CRTC1: variants seen among roughly 807,000 people sequenced by gnomAD.
The protein encoded by CRTC1 is CREB regulated transcription coactivator 1, also known as CREB-regulated transcription coactivator 1.
Under a neutral mutation model 66.1 loss-of-function variants are expected in CRTC1, and 18 were observed. That is an observed-to-expected ratio of 0.27 (90% CI 0.19 to 0.40). The LOEUF (loss-of-function observed/expected upper bound fraction) is 0.40, where lower values mean the gene tolerates loss of function less well. CRTC1 is among the 10% of genes least tolerant of loss of function. The pLI is 1.00. For synonymous variants in CRTC1, 416 were observed against 398.8 expected (o/e 1.04, Z -0.51); for missense variants, 669 against 887.9 (o/e 0.75, Z 3.13).
intron 1 of CRTC1, among the ~76,000 whole-genome samples, chr19:18,695,907 G>A (rs2052975817): frequency 6.6e-6 from 1 of 152,132 alleles, no homozygotes; most frequent in South Asian, 2.1e-4. Context: ...CAGTACACAG[G>A]ATGGCCCCCA....
chr19:18,733,130 G>A (rs1181962685), intron 1 of CRTC1, among the ~76,000 whole-genome samples: 1 of 151,962 alleles, frequency 6.6e-6, no homozygotes, highest in Non-Finnish European at 1.5e-5. Flanking sequence ...CTCCCGGCTG[G>A]GGAAAGAGCC....
Position 18,760,312 on chromosome 19 carries a change from C to G in CRTC1, c.886+84C>G. The stretch of plus-strand genomic sequence containing the variant: ...ATCTGCAGGATGACTTGGCAGAGTC[C>G]CGTTCCAAATACTAGGGCATGGGGG... On this transcript the variant is annotated intron_variant, in intron 8 of 13. Transcript: ENST00000321949. This position sits in a 1 kb window ranked among gnomAD's most constrained non-coding sequence, Gnocchi z 6.2. 8.3e-7 allele frequency: 1 copy of G among 1,204,074 alleles called. No homozygotes were observed. Among genetic ancestry groups the G allele is most frequent in the Non-Finnish European group, 1.2e-6 (1 of 853,580 alleles). 74.6% of individuals were successfully genotyped at this position (1,204,074 alleles called of 1,614,324 possible). A position where few individuals can be genotyped will look rare whatever the true frequency, so the allele number is the denominator to read the frequency against.
chr19:18,728,618 G>A (rs900383010), intron 1 of CRTC1, among the ~76,000 whole-genome samples: 2 of 151,300 alleles, frequency 1.3e-5, no homozygotes, highest in African/African-American at 4.9e-5. Flanking sequence ...TGACTCTCCC[G>A]CCTCAGCCTC....
intron 1 of CRTC1, among the ~76,000 whole-genome samples, chr19:18,737,868 C>A (rs1320908246): frequency 6.6e-6 from 1 of 152,146 alleles, no homozygotes; most frequent in Non-Finnish European, 1.5e-5. Context: ...TTTTCTCTTC[C>A]TTAATGATTT....
In CRTC1 at chr19:18,760,546, C is replaced by T. The variant is rs1220822789; in HGVS notation, c.886+318C>T. On this transcript the variant is annotated intron_variant, in intron 8 of 13. Coordinates refer to ENST00000321949, the MANE Select transcript of CRTC1 (RefSeq NM_015321.3). The surrounding 1 kb of genome is among the most constrained non-coding windows in gnomAD (Gnocchi z 6.2). The stretch of plus-strand genomic sequence containing the variant: ...AGCTGGGGTGGGCCAGGCCTTCCCT[C>T]CGCCCCTCCTCGACCCCAGCCCCTC... Among the ~76,000 whole-genome samples, 2 of 152,006 alleles carry T rather than the reference C, an allele frequency of 1.3e-5. No individual in the cohort carries two copies. The highest frequency in any genetic ancestry group is 4.8e-5 in the African/African-American group (2 of 41,374).
Position 18,690,373 on chromosome 19 carries a change from A to G in CRTC1, c.126+6545A>G, listed in dbSNP as rs147921800. On this transcript the variant is annotated intron_variant, in intron 1 of 13. Coordinates refer to ENST00000321949, the MANE Select transcript of CRTC1 (RefSeq NM_015321.3). The stretch of plus-strand genomic sequence containing the variant: ...GCCCCCCAGTCCTGGCTTTGGCGCT[A>G]TTTGTTTCTGTGCCGGCTGCTTCAG... Among the ~76,000 whole-genome samples the G allele has an allele frequency of 3.3e-3, 508 of 152,186 alleles. 4 individuals carry two copies. The Middle Eastern group carries it at 0.037, about 11-fold the overall frequency.
rs567137528 is a variant in CRTC1 at position 18,782,155 on chromosome 19, A to G, written c.*4773A>G. 1.8e-5 allele frequency: 4 copies of G among 227,148 alleles called. No individual in the cohort carries two copies. The East Asian group carries it at 2.5e-4, about 14-fold the overall frequency. The allele number at this position is 227,148 out of a possible 1,614,324, so 14.1% of individuals were successfully genotyped here. On this transcript the variant is annotated 3_prime_UTR_variant, in exon 14 of 14. Transcript: ENST00000321949. ...AGGCTGGCTCTCCCCCAACCCTAGC[A>G]TGTATACTCTGCCACGGACGTCCCG...
At chr19:18,725,745 G>A (rs1031177193) in intron 1 of CRTC1, among the ~76,000 whole-genome samples, 7 of 152,064 alleles carry the variant, frequency 4.6e-5, no homozygotes, top group African/African-American at 7.2e-5. Context: ...TGTCTTTCTC[G>A]CGTGGCTCAG....
rs567086555 is a variant in CRTC1, at chr19:18,741,578, C to T, written c.127-1332C>T. Among the ~76,000 whole-genome samples, 127 of 152,280 alleles carry T rather than the reference C, an allele frequency of 8.3e-4. No individual in the cohort carries two copies. In the South Asian group the frequency reaches 0.01, roughly 12 times the overall value. ...GGGTGGGAGCTGTAGGACCCCCACC[C>T]TACACCCCCTCCCTCTGCCACAGCC... On this transcript the variant is annotated intron_variant, in intron 1 of 13. Coordinates refer to ENST00000321949, the MANE Select transcript of CRTC1 (RefSeq NM_015321.3). The surrounding 1 kb of genome is among the most constrained non-coding windows in gnomAD (Gnocchi z 4.2).
chr19:18,728,863 A>G (rs1241275241), intron 1 of CRTC1, among the ~76,000 whole-genome samples: 1 of 124,158 alleles, frequency 8.1e-6, no homozygotes, highest in Non-Finnish European at 1.6e-5. Context: ...CCCAGGCTGG[A>G]GTGCAGTAGC....
intron 1 of CRTC1, among the ~76,000 whole-genome samples, chr19:18,730,541 G>T (rs1347325724): frequency 6.6e-6 from 1 of 152,106 alleles, no homozygotes; most frequent in African/African-American, 2.4e-5. Context: ...CCTGGTTTGG[G>T]CTTCATCTGC....
chr19:18,755,273 T>G (rs1302093621), intron 6 of CRTC1, among the ~76,000 whole-genome samples: 1 of 152,094 alleles, frequency 6.6e-6, no homozygotes, highest in East Asian at 1.9e-4. Flanking sequence ...ACAGGCTCTT[T>G]TTTTTAGAAA....
At chr19:18,750,927 C>T (rs2054349290) in intron 5 of CRTC1, among the ~76,000 whole-genome samples, 1 of 152,184 alleles carries the variant, frequency 6.6e-6, no homozygotes, top group African/African-American at 2.4e-5. Context: ...CCTACTAGGT[C>T]CCCACAGACA....
Position 18,769,799 on chromosome 19 carries a change from C to A in CRTC1, c.1320+1006C>A, listed in dbSNP as rs1187650331. Reference sequence around the variant, plus strand: ...GCTGTCCATGTCCAGCACCCTCACACAACAAAGACGGCTTCCTGCCCCCAC... The same window carrying A: ...GCTGTCCATGTCCAGCACCCTCACAAAACAAAGACGGCTTCCTGCCCCCAC... On this transcript the variant is annotated intron_variant, in intron 10 of 13. Transcript: ENST00000321949. 2.0e-5 allele frequency among the ~76,000 whole-genome samples: 3 copies of A among 152,294 alleles called. No individual in the cohort carries two copies. In the East Asian group the frequency reaches 5.8e-4, roughly 29 times the overall value.
At chr19:18,759,379 G>A (rs1227635286) in intron 6 of CRTC1, among the ~76,000 whole-genome samples, 172 bp from the exon 7 acceptor site, 2 of 152,168 alleles carry the variant, frequency 1.3e-5, no homozygotes, top group African/African-American at 4.8e-5. Flanking sequence ...CCACCCTGGG[G>A]CGGTGCCCCT....
intron 1 of CRTC1, among the ~76,000 whole-genome samples, chr19:18,735,017 A>G (rs1256009131): frequency 6.6e-6 from 1 of 152,228 alleles, no homozygotes; most frequent in African/African-American, 2.4e-5. Context: ...GTCCGGGCAG[A>G]AAATCCTCCC....
chr19:18,781,470 G>C lies in CRTC1; in HGVS notation c.*4088G>C, dbSNP rs777217547. 36 of 230,308 alleles carry C rather than the reference G, an allele frequency of 1.6e-4. No individual in the cohort carries two copies. The highest frequency in any genetic ancestry group is 2.5e-4 in the Non-Finnish European group (29 of 116,234). 14.3% of individuals were successfully genotyped at this position (230,308 alleles called of 1,614,324 possible). On this transcript the variant is annotated 3_prime_UTR_variant, in exon 14 of 14. Transcript: ENST00000321949. ...GTTCCCTGCGGCCCTTGGCCTTCCA[G>C]GGTCCTGGCCAGGCAGGGGTCAGGC... is the stretch of plus-strand genomic sequence containing the variant.
At chr19:18,730,940 G>A (rs868665333) in intron 1 of CRTC1, among the ~76,000 whole-genome samples, 2 of 150,628 alleles carry the variant, frequency 1.3e-5, no homozygotes, top group Middle Eastern at 3.4e-3. Context: ...CAGTTCCGGG[G>A]CTGAGTATCC....
At chr19:18,775,096 C>A in intron 12 of CRTC1, 110 bp downstream of exon 12, 2 of 1,047,706 alleles carry the variant, frequency 1.9e-6, no homozygotes, top group Non-Finnish European at 1.4e-6. Flanking sequence ...CTCGGGGGGC[C>A]CGTGCCTGCC....
Sources: gnomAD v4.1 joint callset for allele counts (sites outside exome capture counted in the v4.1 genomes callset) on GRCh38, gnomAD v4.1.1 for gene constraint, Gnocchi (gnomAD v3.1) non-coding constraint, MANE v1.5 for transcripts, NCBI Gene and HGNC (gene_info 2026-07-23, HGNC 2026-07-21) for gene names.